The following TUBB8 variants were observed in gnomAD, a reference collection of about 807,000 sequenced individuals.
The protein encoded by TUBB8 is tubulin beta 8 class VIII.
In TUBB8, 25 loss-of-function variants were observed where a neutral mutation model predicts 33.7. The observed-to-expected ratio is 0.74, with a 90% CI of 0.54 to 1.04. The LOEUF is 1.04. Ranked by LOEUF, TUBB8 falls within the 50% of genes least tolerant of loss-of-function variation. TUBB8 has a pLI of 0.00. For synonymous variants in TUBB8, 245 were observed against 240.1 expected, an observed-to-expected ratio of 1.02 and a Z score of -0.19; for missense variants, 279 against 608.0, an observed-to-expected ratio of 0.46 and a Z score of 5.69.
intron 1 of TUBB8, among the ~76,000 whole-genome samples, chr10:71,994 G>C (rs533278702): frequency 6.6e-6 from 1 of 152,210 alleles, no homozygotes; most frequent in Non-Finnish European, 1.5e-5. Context: ...GGGAGGCAGA[G>C]GCAGGTGGAT....
intron 1 of TUBB8, among the ~76,000 whole-genome samples, chr10:61,878 G>A (rs1206689107): frequency 6.6e-6 from 1 of 151,926 alleles, no homozygotes; most frequent in East Asian, 1.9e-4. Context: ...GTCTTTTGTT[G>A]AAATCTATTT....
At chr10:58,454 T>G (rs1834559869) in intron 1 of TUBB8, among the ~76,000 whole-genome samples, 1 of 152,226 alleles carries the variant, frequency 6.6e-6, no homozygotes, top group South Asian at 2.1e-4. Flanking sequence ...TACCTGAGAC[T>G]GGGTAATTTA....
intron 3 of TUBB8, 192 bp downstream of exon 3, chr10:48,423 A>AC (rs1261412810): frequency 7.6e-6 from 5 of 660,278 alleles, no homozygotes; most frequent in Admixed American, 4.8e-5. Flanking sequence ...GTAACTCCTC[A>AC]CCTTGAGGAG....
chr10:73,538 G>C (rs1554742643), intron 1 of TUBB8, among the ~76,000 whole-genome samples: 2 of 152,128 alleles, frequency 1.3e-5, no homozygotes, highest in African/African-American at 4.8e-5. Context: ...AGCTACTCGA[G>C]AGGCTGAGGC....
intron 1 of TUBB8, among the ~76,000 whole-genome samples, chr10:57,831 C>T (rs1834552100): frequency 6.6e-6 from 1 of 151,260 alleles, no homozygotes; most frequent in Non-Finnish European, 1.5e-5. Context: ...TTAAGTTATA[C>T]AAATATCTCT....
At position 49,255 on chromosome 10, in the gene TUBB8, G is replaced by A. The variant is rs202105357; in HGVS notation, c.-17C>T. 4.8e-5 allele frequency: 76 copies of A among 1,578,676 alleles called. No individual in the cohort carries two copies. The highest frequency in any genetic ancestry group is 5.9e-5 in the Non-Finnish European group (69 of 1,162,812). On this transcript the variant is annotated 5_prime_UTR_variant, in exon 1 of 4. Coordinates refer to ENST00000568584, the MANE Select transcript of TUBB8 (RefSeq NM_177987.3). ...CTCCCTCATGGCCAAGGCGGGATTA[G>A]GACGGCAGGAGAAACGTGAGAAGGA...
At chr10:49,855 G>A, upstream of TUBB8, 1 of 261,892 alleles carries the variant, frequency 3.8e-6, no homozygotes, top group South Asian at 4.1e-5. Flanking sequence ...GTCTCCAGCA[G>A]AGTGAAGGTC....
rs1834414619 is a variant in TUBB8, at chr10:48,834, G to C, written c.136C>G (p.Arg46Gly). 6.2e-7 allele frequency: 1 copy of C among 1,604,862 alleles called. No individual in the cohort carries two copies. The highest frequency in any genetic ancestry group is 1.7e-5 in the Admixed American group (1 of 58,366). Residue 46 changes from arginine to glycine, a missense_variant, in exon 2 of 4, where the codon CGC (arginine) becomes GGC (glycine). Arg to Gly is a moderately radical substitution (Grantham distance 125). Around this residue, in one of 4 missense-constraint regions of TUBB8, gnomAD observed 56 missense variants for 77.9 expected, o/e 0.72. Coordinates refer to ENST00000568584, the MANE Select transcript of TUBB8 (RefSeq NM_177987.3). Reference protein sequence around the residue: ...YHGDSHLQLERINVYYNEASG... With the variant: ...YHGDSHLQLEGINVYYNEASG... ...GCCTCGTTGTAGTACACGTTGATGC[G>C]CTCCAGCTGCAGGTGGCTGTCCCCG...
At chr10:60,836 A>T (rs1375311121) in intron 1 of TUBB8, among the ~76,000 whole-genome samples, 4 of 152,024 alleles carry the variant, frequency 2.6e-5, no homozygotes, top group Admixed American at 2.6e-4. Context: ...CAAATGTCCA[A>T]CAATGATAGA....
At chr10:71,290 G>A (rs1554742279) in intron 1 of TUBB8, among the ~76,000 whole-genome samples, 1 of 151,902 alleles carries the variant, frequency 6.6e-6, no homozygotes, top group Non-Finnish European at 1.5e-5. Flanking sequence ...ACCCTAGCCT[G>A]GGCAACTGAG....
chr10:49,090 C>A (rs534855745), intron 1 of TUBB8, 92 bp downstream of exon 1: 1 of 1,411,548 alleles, frequency 7.1e-7, no homozygotes. Context: ...GCCCAGGGGC[C>A]GCAATGCATG....
chr10:60,208 G>A (rs1456108689), intron 1 of TUBB8, among the ~76,000 whole-genome samples: 6 of 151,682 alleles, frequency 4.0e-5, no homozygotes, highest in Non-Finnish European at 5.9e-5. Context: ...TTATTTATTT[G>A]CAGCTTTTCT....
At chr10:48,170 A>AC in intron 3 of TUBB8, 56 bp from the exon 4 acceptor site, 1 of 1,106,354 alleles carries the variant, frequency 9.0e-7, no homozygotes, top group Non-Finnish European at 1.4e-6. Context: ...ATCAGTGGTC[A>AC]CCACCATAAT....
upstream of TUBB8, among the ~76,000 whole-genome samples, chr10:76,550 C>G (rs1243919749): frequency 6.6e-6 from 1 of 152,214 alleles, no homozygotes; most frequent in Non-Finnish European, 1.5e-5. Context: ...GAAGCCCCGG[C>G]CCCTCCGGGG....
intron 1 of TUBB8, among the ~76,000 whole-genome samples, chr10:65,446 TG>T (rs1472140034): frequency 2.6e-5 from 4 of 152,224 alleles, no homozygotes; most frequent in Non-Finnish European, 5.9e-5. Context: ...CTCAAGAGGC[TG>T]GGTGTGGTGG....
At chr10:66,088 C>CTCATTT (rs1197526655) in intron 1 of TUBB8, among the ~76,000 whole-genome samples, 1 of 152,182 alleles carries the variant, frequency 6.6e-6, no homozygotes, top group African/African-American at 2.4e-5. Context: ...GGCACCAATG[C>CTCATTT]TCATTTTCAT....
At chr10:55,488 C>A (rs12242689) in intron 1 of TUBB8, among the ~76,000 whole-genome samples, 1 of 139,438 alleles carries the variant, frequency 7.2e-6, no homozygotes, top group Non-Finnish European at 1.6e-5. Flanking sequence ...GCTTTCTGAC[C>A]TGCTGTAATT....
At chr10:63,199 A>G (rs1181566694) in intron 1 of TUBB8, among the ~76,000 whole-genome samples, 1 of 151,984 alleles carries the variant, frequency 6.6e-6, no homozygotes, top group Non-Finnish European at 1.5e-5. Context: ...TCAGCCTCCC[A>G]AGGAGCTGGG....
chr10:76,587 C>T (rs1216728142), upstream of TUBB8, among the ~76,000 whole-genome samples: 3 of 152,172 alleles, frequency 2.0e-5, no homozygotes, highest in African/African-American at 4.8e-5. Flanking sequence ...GCTCCGTCCT[C>T]ACAGTGGACG....
Sources: allele counts gnomAD v4.1 joint callset (sites outside exome capture counted in the v4.1 genomes callset), GRCh38; gene constraint gnomAD v4.1.1; regional missense constraint gnomAD v4.1.1; transcripts MANE v1.5; gene names NCBI Gene and HGNC (gene_info 2026-07-23, HGNC 2026-07-21).